Variants in VWA3B observed in about 807,000 individuals in gnomAD.
VWA3B encodes von Willebrand factor A domain-containing protein 3B.
In VWA3B, 138 loss-of-function variants were observed where a neutral mutation model predicts 158.3. The observed-to-expected ratio is 0.87, with a 90% CI of 0.76 to 1.00. VWA3B has a LOEUF of 1.00. VWA3B is among the 50% of genes least tolerant of loss of function. VWA3B has a pLI of 0.00. For synonymous variants in VWA3B, 596 were observed against 587.3 expected, an observed-to-expected ratio of 1.01 and a Z score of -0.21; for missense variants, 1,555 against 1,565.1, an observed-to-expected ratio of 0.99 and a Z score of 0.11.
At chr2:98,294,343 T>TA (rs1415611662) in intron 23 of VWA3B, among the ~76,000 whole-genome samples, 2 of 151,992 alleles carry the variant, frequency 1.3e-5, no homozygotes, top group Admixed American at 6.6e-5. Flanking sequence ...ACAGCTCACT[T>TA]AAAATGCACC....
At chr2:98,113,166 T>G (rs1674276950) in intron 2 of VWA3B, among the ~76,000 whole-genome samples, 1 of 152,100 alleles carries the variant, frequency 6.6e-6, no homozygotes. Context: ...GCATTTTCTT[T>G]TGACTATTGG....
intron 2 of VWA3B, among the ~76,000 whole-genome samples, chr2:98,109,811 A>C (rs1452438350): frequency 6.8e-6 from 1 of 147,990 alleles, no homozygotes; most frequent in Admixed American, 6.7e-5. Context: ...TTTTTTTAGC[A>C]CTTAAAAAAT....
At chr2:98,232,216 G>A (rs577408876) in intron 16 of VWA3B, among the ~76,000 whole-genome samples, 1 of 152,080 alleles carries the variant, frequency 6.6e-6, no homozygotes, top group Non-Finnish European at 1.5e-5. Context: ...GGCACTTTGT[G>A]GTTTTTCAGT....
intron 12 of VWA3B, among the ~76,000 whole-genome samples, chr2:98,199,035 C>T (rs1432241418): frequency 2.0e-5 from 3 of 150,292 alleles, no homozygotes; most frequent in Non-Finnish European, 2.9e-5. Context: ...TCCAGTGAGC[C>T]GAGATGGCGC....
chr2:98,300,170 T>A lies in VWA3B; in HGVS notation c.3374T>A (p.Val1125Glu). 1 of 1,614,234 alleles carries A rather than the reference T, an allele frequency of 6.2e-7. No homozygotes were observed. ...GTCATAGCACTTCCCAATAAGCATG[T>A]GGCCACAGAAAAATTCTACACAGTT... Reference protein sequence around the residue: ...AIVIALPNKHVATEKFYTVLK... With the variant: ...AIVIALPNKHEATEKFYTVLK... Residue 1125 changes from valine (V) to glutamate (E), a missense_variant, in exon 25 of 28, where the codon GTG becomes GAG. By Grantham distance (121) the Val-to-Glu change is moderately radical. Coordinates refer to ENST00000477737, the MANE Select transcript of VWA3B (RefSeq NM_144992.5).
At chr2:98,127,177 C>T (rs905923471) in intron 5 of VWA3B, among the ~76,000 whole-genome samples, 2 of 152,146 alleles carry the variant, frequency 1.3e-5, no homozygotes, top group African/African-American at 2.4e-5. Context: ...CACAGTCCAT[C>T]GGGACATTTA....
In VWA3B at chr2:98,092,985, T is replaced by A. The variant is rs1204482465; in HGVS notation, c.-32-76T>A. 4.9e-6 allele frequency: 5 copies of A among 1,017,658 alleles called. No individual in the cohort carries two copies. In the South Asian group the frequency reaches 5.1e-5, roughly 10 times the overall value. 63.0% of individuals were successfully genotyped at this position (1,017,658 alleles called of 1,614,324 possible). ...CACTTCATGGGTGTACTATAATTTATGTTAAGCCAGTCCCCTGTTGACGTT... is the reference window on the plus strand; with the variant it reads ...CACTTCATGGGTGTACTATAATTTAAGTTAAGCCAGTCCCCTGTTGACGTT... On this transcript the variant is annotated intron_variant, in intron 1 of 27. Coordinates refer to ENST00000477737, the MANE Select transcript of VWA3B (RefSeq NM_144992.5).
At chr2:98,284,767 G>A (rs926850196) in intron 22 of VWA3B, among the ~76,000 whole-genome samples, 1 of 152,154 alleles carries the variant, frequency 6.6e-6, no homozygotes, top group African/African-American at 2.4e-5. Flanking sequence ...CTCCAATTGG[G>A]ATGGAGGACT....
intron 22 of VWA3B, among the ~76,000 whole-genome samples, chr2:98,277,042 C>T (rs1052146894): frequency 2.8e-5 from 4 of 140,650 alleles, no homozygotes; most frequent in African/African-American, 4.9e-5. Context: ...TCCTGGCTGG[C>T]CCAGATGAGA....
intron 9 of VWA3B, among the ~76,000 whole-genome samples, chr2:98,185,407 G>A (rs1157341302): frequency 1.3e-5 from 2 of 152,186 alleles, no homozygotes; most frequent in East Asian, 1.9e-4. Flanking sequence ...GCTTATCTCC[G>A]TGCAGTTAAC....
chr2:98,259,710 A>T (rs567246645), intron 21 of VWA3B, among the ~76,000 whole-genome samples: 2 of 151,490 alleles, frequency 1.3e-5, no homozygotes, highest in Non-Finnish European at 3.0e-5. Flanking sequence ...TGATTCTCTC[A>T]ATTGTTTTTC....
At chr2:98,121,500 C>T in intron 5 of VWA3B, 42 bp downstream of exon 5, 1 of 1,598,972 alleles carries the variant, frequency 6.3e-7, no homozygotes, top group Admixed American at 1.7e-5. Flanking sequence ...ATGGAGGTGG[C>T]TTCCAGCTTA....
intron 21 of VWA3B, among the ~76,000 whole-genome samples, chr2:98,267,431 G>A (rs34305928): frequency 0.039 from 5,916 of 152,078 alleles, 172 homozygotes; most frequent in Middle Eastern, 0.075. Flanking sequence ...ACCTGCTCCC[G>A]AATGACTACT....
At chr2:98,280,550 G>A (rs1282508447) in intron 22 of VWA3B, among the ~76,000 whole-genome samples, 1 of 152,234 alleles carries the variant, frequency 6.6e-6, no homozygotes, top group East Asian at 1.9e-4. Flanking sequence ...GTGCCTCTTA[G>A]CCATTCGCAC....
chr2:98,182,642 A>G (rs1456377929), intron 9 of VWA3B, among the ~76,000 whole-genome samples: 1 of 152,190 alleles, frequency 6.6e-6, no homozygotes, highest in African/African-American at 2.4e-5. Context: ...AAAATAGGCC[A>G]GGCATGGTGG....
rs201013513 is a variant in VWA3B at position 98,271,732 on chromosome 2, TTTG to T, written c.3045+852_3045+854del. Among the ~76,000 whole-genome samples, 521 of 152,336 alleles carry T rather than the reference TTTG, an allele frequency of 3.4e-3. 19 individuals are homozygous for T. The East Asian group carries it at 0.081, about 24-fold the overall frequency. On this transcript the variant is annotated intron_variant, in intron 22 of 27. Coordinates refer to ENST00000477737, the MANE Select transcript of VWA3B (RefSeq NM_144992.5). ...CTACTGTGGTGCACAGTTGAATTAT[TTTG>T]TTAAGATACAGCCTTAGAAGTAGTA...
chr2:98,096,495 C>G (rs1476311654), intron 2 of VWA3B, among the ~76,000 whole-genome samples: 1 of 152,178 alleles, frequency 6.6e-6, no homozygotes, highest in Non-Finnish European at 1.5e-5. Context: ...TCTCGAATTC[C>G]TGACCTCAGC....
At chr2:98,105,197 G>A (rs768656796) in intron 2 of VWA3B, among the ~76,000 whole-genome samples, 4 of 151,918 alleles carry the variant, frequency 2.6e-5, no homozygotes, top group Non-Finnish European at 4.4e-5. Flanking sequence ...TTCAGTTTTC[G>A]TTTATCTGAA....
chr2:98,228,232 A>G lies in VWA3B; in HGVS notation c.2050A>G (p.Met684Val), dbSNP rs1392375991. The change falls in exon 15 of 28, where the codon ATG becomes GTG. Residue 684 changes from methionine to valine, a missense_variant. Coordinates refer to ENST00000477737, the MANE Select transcript of VWA3B (RefSeq NM_144992.5). ...NEDLTLLVKE[M>V]EQGHSDLEKM... Reference sequence around the variant, plus strand: ...AGATCTGACTCTTTTAGTTAAGGAAATGGAACAGGGTCACAGTGATCTGGA... The same window carrying G: ...AGATCTGACTCTTTTAGTTAAGGAAGTGGAACAGGGTCACAGTGATCTGGA... 2 of 1,613,838 alleles carry G rather than the reference A, an allele frequency of 1.2e-6. No individual in the cohort carries two copies. Among genetic ancestry groups the G allele is most frequent in the Admixed American group, 3.3e-5 (2 of 59,958 alleles).
Sources: gnomAD v4.1 joint callset for allele counts (sites outside exome capture counted in the v4.1 genomes callset) on GRCh38, gnomAD v4.1.1 for gene constraint, MANE v1.5 for transcripts, NCBI Gene and HGNC (gene_info 2026-07-23, HGNC 2026-07-21) for gene names.